SPAG17: variants seen among roughly 807,000 people sequenced by gnomAD.
SPAG17 encodes the protein sperm-associated antigen 17.
In SPAG17, 169 loss-of-function variants were observed where a neutral mutation model predicts 273.6. The ratio of observed to expected loss-of-function variants is 0.62; its 90% CI spans 0.55 to 0.70. SPAG17 has a LOEUF of 0.70. Among genes scored for constraint, SPAG17 ranks in the 30% least tolerant of loss-of-function variants. The probability of loss-of-function intolerance (pLI) is 0.00; values close to 1 mark genes in which losing one functional copy is unlikely to be tolerated. For missense variants in SPAG17, 2,557 were observed against 2,627.8 expected, an observed-to-expected ratio of 0.97 and a Z score of 0.59; for synonymous variants, 825 against 873.2, an observed-to-expected ratio of 0.94 and a Z score of 0.97.
rs563724346 is a variant in SPAG17 at position 117,994,826 on chromosome 1, A to G, written c.5054-296T>C. Among the ~76,000 whole-genome samples the G allele has an allele frequency of 3.3e-5, 5 of 152,206 alleles. No homozygotes were observed. In the South Asian group the frequency reaches 1.0e-3, roughly 32 times the overall value. On this transcript the variant is annotated intron_variant, in intron 34 of 48. Transcript: ENST00000336338. The stretch of plus-strand genomic sequence containing the variant: ...TTCTCCCAATAAACTTGTTGAGTCC[A>G]TCTTTTTCCCTCTCTGTGAACCCTA...
At chr1:118,083,885 ATTTAGGGATGAGGAATCAAGAGCTT>A (rs1654795212) in intron 13 of SPAG17, among the ~76,000 whole-genome samples, 1 of 152,126 alleles carries the variant, frequency 6.6e-6, no homozygotes, top group Non-Finnish European at 1.5e-5. Context: ...GAAGGGACAA[ATTTAGGGATGAGGAATCAAGAGCTT>A]GGTTTTGGAC....
intron 1 of SPAG17, among the ~76,000 whole-genome samples, chr1:118,154,560 G>T (rs552683818): frequency 6.6e-6 from 1 of 152,052 alleles, no homozygotes; most frequent in South Asian, 2.1e-4. Context: ...GTATTTCAGG[G>T]TAACCAGAGA....
intron 43 of SPAG17, among the ~76,000 whole-genome samples, chr1:117,977,672 G>C (rs1050135871): frequency 6.6e-6 from 1 of 152,026 alleles, no homozygotes; most frequent in African/African-American, 2.4e-5. Context: ...ATTTACAGTG[G>C]AGTCATATTA....
chr1:117,981,506 T>A, intron 42 of SPAG17, 105 bp from the exon 43 acceptor site: 1 of 1,207,414 alleles, frequency 8.3e-7, no homozygotes, highest in Non-Finnish European at 1.1e-6. Flanking sequence ...TTACAATGAA[T>A]GAGGTACCTT....
At chr1:118,035,904 G>A (rs937803389) in intron 24 of SPAG17, among the ~76,000 whole-genome samples, 2 of 152,110 alleles carry the variant, frequency 1.3e-5, no homozygotes, top group African/African-American at 4.8e-5. Flanking sequence ...TTGAAAATGG[G>A]GTAGAAGGCC....
intron 7 of SPAG17, among the ~76,000 whole-genome samples, 174 bp from the exon 8 acceptor site, chr1:118,093,491 TTTCTTC>T (rs1223827890): frequency 6.6e-6 from 1 of 152,154 alleles, no homozygotes; most frequent in African/African-American, 2.4e-5. Flanking sequence ...TTCCTGAACC[TTTCTTC>T]TTCTTCTTTG....
intron 1 of SPAG17, among the ~76,000 whole-genome samples, chr1:118,157,767 G>T (rs946886188): frequency 3.3e-5 from 5 of 152,226 alleles, no homozygotes; most frequent in Admixed American, 3.3e-4. Context: ...CATAAATGAA[G>T]ATAATGACAG....
chr1:118,091,754 T>G, intron 9 of SPAG17, 36 bp from the exon 10 acceptor site: 2 of 1,433,556 alleles, frequency 1.4e-6, no homozygotes, highest in Non-Finnish European at 2.0e-6. Flanking sequence ...CCCAATTAAG[T>G]TGTGTTCTCC....
chr1:118,141,367 T>C (rs1444345465), intron 3 of SPAG17, among the ~76,000 whole-genome samples: 1 of 152,248 alleles, frequency 6.6e-6, no homozygotes, highest in Non-Finnish European at 1.5e-5. Flanking sequence ...AATCATTTTC[T>C]CTAAGCTGAC....
At chr1:118,180,255 GA>G (rs1224444404) in intron 1 of SPAG17, among the ~76,000 whole-genome samples, 2 of 151,984 alleles carry the variant, frequency 1.3e-5, no homozygotes, top group African/African-American at 4.8e-5. Flanking sequence ...TATACACAAT[GA>G]AATACTATTC....
chr1:118,147,949 G>A (rs552875206), intron 3 of SPAG17, among the ~76,000 whole-genome samples: 1 of 152,274 alleles, frequency 6.6e-6, no homozygotes, highest in South Asian at 2.1e-4. Context: ...GATTAAAATT[G>A]TGTTTAAAAT....
chr1:118,148,047 C>T (rs1659135982), intron 3 of SPAG17, among the ~76,000 whole-genome samples: 1 of 152,134 alleles, frequency 6.6e-6, no homozygotes, highest in Non-Finnish European at 1.5e-5. Flanking sequence ...GCTGTTATAT[C>T]GTGAGTTCCT....
intron 15 of SPAG17, among the ~76,000 whole-genome samples, chr1:118,079,041 C>G (rs1189550782): frequency 6.6e-6 from 1 of 151,874 alleles, no homozygotes; most frequent in South Asian, 2.1e-4. Context: ...TCAGTTGTAC[C>G]ACTATCCTTG....
intron 23 of SPAG17, among the ~76,000 whole-genome samples, chr1:118,037,094 T>C (rs1187075023): frequency 6.6e-6 from 1 of 151,978 alleles, no homozygotes; most frequent in Non-Finnish European, 1.5e-5. Context: ...TTAGGGACCT[T>C]AGGTTAAAGT....
At chr1:118,109,002 A>T (rs186488016) in intron 4 of SPAG17, among the ~76,000 whole-genome samples, 2 of 152,340 alleles carry the variant, frequency 1.3e-5, no homozygotes, top group Admixed American at 1.3e-4. Flanking sequence ...AATATTTTAG[A>T]TCATATTTTA....
intron 18 of SPAG17, among the ~76,000 whole-genome samples, chr1:118,056,115 C>T (rs12038598): frequency 0.063 from 9,625 of 151,972 alleles, 520 homozygotes; most frequent in East Asian, 0.31. Flanking sequence ...CAGTTAAAGA[C>T]ATGTAAATTT....
chr1:118,140,891 G>T (rs915967601), intron 3 of SPAG17, among the ~76,000 whole-genome samples: 5 of 152,150 alleles, frequency 3.3e-5, no homozygotes, highest in Non-Finnish European at 7.3e-5. Flanking sequence ...CAGCAGATGT[G>T]GCCTCTTTGG....
chr1:118,070,333 C>T (rs973667431), intron 17 of SPAG17, among the ~76,000 whole-genome samples: 2 of 152,150 alleles, frequency 1.3e-5, no homozygotes, highest in Admixed American at 6.5e-5. Flanking sequence ...TACTAGTCAC[C>T]TCTGCAAGTG....
Position 117,971,601 on chromosome 1 carries a change from G to C in SPAG17, c.6326+262C>G, listed in dbSNP as rs1031477275. ...TTTCCACTAGTAGAAATCAGGATGTGAGTTGCTTTTACCAAAGTATGAATA... is the reference window on the plus strand; with the variant it reads ...TTTCCACTAGTAGAAATCAGGATGTCAGTTGCTTTTACCAAAGTATGAATA... On this transcript the variant is annotated intron_variant, in intron 45 of 48. Transcript: ENST00000336338. Among the ~76,000 whole-genome samples, 3 of 151,972 alleles carry C rather than the reference G, an allele frequency of 2.0e-5. No individual in the cohort carries two copies. The East Asian group carries it at 5.8e-4, about 29-fold the overall frequency.
Sources: allele counts gnomAD v4.1 joint callset (sites outside exome capture counted in the v4.1 genomes callset), GRCh38; gene constraint gnomAD v4.1.1; transcripts MANE v1.5; gene names NCBI Gene and HGNC (gene_info 2026-07-23, HGNC 2026-07-21).